Variants in SUCO observed in about 807,000 individuals in gnomAD.
SUCO encodes the protein SUN domain containing ossification factor.
In SUCO, 57 loss-of-function variants were observed where a neutral mutation model predicts 148.1. The observed-to-expected ratio is 0.38, with a 90% CI of 0.31 to 0.48. The LOEUF (loss-of-function observed/expected upper bound fraction) is 0.48. SUCO is among the 20% of genes least tolerant of loss of function. The probability of loss-of-function intolerance (pLI) is 0.96; values close to 1 mark genes in which losing one functional copy is unlikely to be tolerated. For missense variants in SUCO, 1,331 were observed against 1,468.2 expected, an observed-to-expected ratio of 0.91 and a Z score of 1.53; for synonymous variants, 470 against 502.7, an observed-to-expected ratio of 0.93 and a Z score of 0.87.
intron 19 of SUCO, among the ~76,000 whole-genome samples, chr1:172,596,761 T>C (rs905193959): frequency 2.6e-5 from 4 of 152,188 alleles, no homozygotes; most frequent in African/African-American, 7.2e-5. Flanking sequence ...AGGCAGTCTG[T>C]TCATTCTCAG....
chr1:172,609,557 T>C (rs1270241088), intron 23 of SUCO: 1 of 984,036 alleles, frequency 1.0e-6, no homozygotes, highest in East Asian at 1.1e-4. Context: ...TATTCAGATA[T>C]TAGTATCACT....
At chr1:172,599,875 C>T (rs1001059858) in intron 19 of SUCO, among the ~76,000 whole-genome samples, 189 bp from the exon 20 acceptor site, 6 of 152,078 alleles carry the variant, frequency 3.9e-5, no homozygotes, top group East Asian at 3.8e-4. Context: ...GGGTTAGACA[C>T]GGTCCCAGAT....
intron 1 of SUCO, among the ~76,000 whole-genome samples, chr1:172,546,687 T>C (rs541502265): frequency 2.0e-5 from 3 of 152,290 alleles, no homozygotes; most frequent in African/African-American, 7.2e-5. Flanking sequence ...GGCGGGTGGA[T>C]CACTTGACCC....
intron 19 of SUCO, among the ~76,000 whole-genome samples, chr1:172,593,778 TGCTG>T (rs1369657404): frequency 6.6e-5 from 10 of 152,344 alleles, no homozygotes; most frequent in African/African-American, 2.4e-4. Flanking sequence ...ATCAGAATGA[TGCTG>T]GCCTCATAAA....
intron 22 of SUCO, 65 bp from the exon 23 acceptor site, chr1:172,608,682 A>G: frequency 9.3e-7 from 1 of 1,080,428 alleles, no homozygotes; most frequent in Non-Finnish European, 1.4e-6. Context: ...TTAGTGTTTA[A>G]TTATAGCAAA....
At chr1:172,542,744 A>C (rs1475927017) in intron 1 of SUCO, 4 of 985,302 alleles carry the variant, frequency 4.1e-6, no homozygotes, top group Non-Finnish European at 4.8e-6. Context: ...CATTTTTGAA[A>C]GAGAACATTG....
chr1:172,589,402 A>G lies in SUCO; in HGVS notation c.2301A>G (p.Gln767=). Reference sequence around the variant, plus strand: ...ATATACCATCACCAGTGATTCCCCAAGAGAGTTCTGTTGAGATCGATAATG... The same window carrying G: ...ATATACCATCACCAGTGATTCCCCAGGAGAGTTCTGTTGAGATCGATAATG... ...AGHIPSPVIP[Q]ESSVEIDNET... The change falls in exon 18 of 24, where the codon CAA becomes CAG. Residue 767 remains glutamine, a synonymous_variant. Coordinates refer to ENST00000263688, the MANE Select transcript of SUCO (RefSeq NM_014283.5). The G allele has an allele frequency of 1.2e-6, 2 of 1,613,812 alleles. No homozygotes were observed. The highest frequency in any genetic ancestry group is 1.7e-6 in the Non-Finnish European group (2 of 1,179,872).
chr1:172,595,939 C>A (rs1351789147), intron 19 of SUCO, among the ~76,000 whole-genome samples: 1 of 152,220 alleles, frequency 6.6e-6, no homozygotes, highest in African/African-American at 2.4e-5. Context: ...TTGGTCTTTT[C>A]ACATAGTCCC....
intron 11 of SUCO, among the ~76,000 whole-genome samples, chr1:172,576,152 C>T (rs1453018386): frequency 6.6e-6 from 1 of 151,818 alleles, no homozygotes; most frequent in Non-Finnish European, 1.5e-5. Flanking sequence ...TCCACTGCTG[C>T]TTCTACCAAC....
chr1:172,557,231 C>A, intron 4 of SUCO, 49 bp from the exon 5 acceptor site: 1 of 1,589,168 alleles, frequency 6.3e-7, no homozygotes, highest in Non-Finnish European at 8.6e-7. Context: ...ATGTATATTA[C>A]CTCAAGTTTA....
At chr1:172,589,981 T>TA (rs1656522689) in intron 18 of SUCO, 55 bp downstream of exon 18, 2 of 1,392,750 alleles carry the variant, frequency 1.4e-6, no homozygotes, top group Non-Finnish European at 1.9e-6. Context: ...TTAAGCAGCA[T>TA]AGAGTATGAC....
chr1:172,569,811 C>T (rs886771510), intron 7 of SUCO, among the ~76,000 whole-genome samples: 3 of 152,050 alleles, frequency 2.0e-5, no homozygotes, highest in African/African-American at 7.2e-5. Flanking sequence ...AGTTATGTTA[C>T]TTAGACATAA....
Position 172,602,074 on chromosome 1 carries a change from G to T in SUCO, c.3029G>T (p.Arg1010Leu), listed in dbSNP as rs780140652. The T allele has an allele frequency of 1.2e-6, 2 of 1,606,062 alleles. No individual in the cohort carries two copies. Among genetic ancestry groups the T allele is most frequent in the African/African-American group, 1.3e-5 (1 of 74,560 alleles). ...CTCTTCTCATCTCAGGTTTCAGATC[G>T]ACAAAGCTATCTTGTCATATCTTTG... ...VAELKREVSD[R>L]QSYLVISLVL... Residue 1010 changes from arginine to leucine, a missense_variant, in exon 21 of 24, where the codon CGA (arginine) becomes CTA (leucine). By Grantham distance (102) the Arg-to-Leu change is moderately radical. Transcript: ENST00000263688.
chr1:172,556,086 C>A, intron 4 of SUCO, 63 bp downstream of exon 4: 1 of 1,373,726 alleles, frequency 7.3e-7, no homozygotes, highest in East Asian at 2.4e-5. Flanking sequence ...GAAAAATTTC[C>A]TTAAAAGATA....
chr1:172,555,477 A>ATAAG, intron 3 of SUCO: 1 of 916,264 alleles, frequency 1.1e-6, no homozygotes, highest in Non-Finnish European at 1.3e-6. Flanking sequence ...GCTTATTGAT[A>ATAAG]CACATTATTT....
At position 172,575,504 on chromosome 1, in the gene SUCO, C is replaced by A. The variant is rs1655369646; in HGVS notation, c.1158-14C>A. The stretch of plus-strand genomic sequence containing the variant: ...ATAATTTTTAAAAAAGAACATATTG[C>A]TTATATTTTTTAGATATCCAACAAA... On this transcript the variant is annotated splice_polypyrimidine_tract_variant and intron_variant, in intron 10 of 23. Coordinates refer to ENST00000263688, the MANE Select transcript of SUCO (RefSeq NM_014283.5). 1.9e-6 allele frequency: 3 copies of A among 1,548,682 alleles called. No individual in the cohort carries two copies. Among genetic ancestry groups the A allele is most frequent in the Non-Finnish European group, 2.7e-6 (3 of 1,125,010 alleles).
intron 23 of SUCO, 72 bp from the exon 24 acceptor site, chr1:172,609,744 C>T: frequency 6.6e-7 from 1 of 1,525,714 alleles, no homozygotes; most frequent in Non-Finnish European, 8.7e-7. Context: ...TCTATTAGCT[C>T]AGCTCTCTAG....
At chr1:172,575,983 C>CT (rs1023614344) in intron 11 of SUCO, among the ~76,000 whole-genome samples, 84 of 151,956 alleles carry the variant, frequency 5.5e-4, no homozygotes, top group African/African-American at 2.0e-3. Flanking sequence ...GATGTAATTT[C>CT]TTGTTAGACT....
intron 7 of SUCO, 136 bp from the exon 8 acceptor site, chr1:172,569,911 A>G: frequency 1.2e-6 from 1 of 821,882 alleles, no homozygotes; most frequent in Non-Finnish European, 1.6e-6. Flanking sequence ...AATTTTTAAA[A>G]TATTCTCTCA....
Sources: allele counts gnomAD v4.1 joint callset (sites outside exome capture counted in the v4.1 genomes callset), GRCh38; gene constraint gnomAD v4.1.1; transcripts MANE v1.5; gene names NCBI Gene and HGNC (gene_info 2026-07-23, HGNC 2026-07-21).